Variants in DSC2 observed in about 807,000 individuals in gnomAD.
The protein encoded by DSC2 is desmocollin-2.
A neutral mutation model predicts 87.6 loss-of-function variants in DSC2; 51 were observed. That is an observed-to-expected ratio of 0.58 (90% CI 0.46 to 0.74). The LOEUF is 0.74. DSC2 is among the 30% of genes least tolerant of loss of function. DSC2 has a pLI of 0.00. For missense variants in DSC2, 1,066 were observed against 1,089.5 expected (o/e 0.98, Z 0.30); for synonymous variants, 383 against 393.2 (o/e 0.97, Z 0.31).
At position 31,063,639 on chromosome 18, in the gene DSC2, A is replaced by G. The variant is rs567066651; in HGVS notation, c.*4376T>C. 23 of 152,330 alleles carry G rather than the reference A, an allele frequency of 1.5e-4. No individual in the cohort carries two copies. Among genetic ancestry groups the G allele is most frequent in the African/African-American group, 5.1e-4 (21 of 41,572 alleles). The allele number at this position is 152,330 out of a possible 1,614,324, so 9.4% of individuals were successfully genotyped here. ...AAGGAGATTGGGGAAATTAGTACAG[A>G]AGGTCCTCAACTTAAGATGGCTCGA... On this transcript the variant is annotated 3_prime_UTR_variant, in exon 16 of 16. Transcript: ENST00000280904.
In DSC2 at chr18:31,080,078, A is replaced by C; in HGVS notation, c.1520+18T>G. On this transcript the variant is annotated intron_variant, in intron 10 of 15. Transcript: ENST00000280904. ...AAATAAGCTATATATTTTAAAACTA[A>C]AATAGAATGGTAAGTACCTTATGCC... 5 of 1,613,702 alleles carry C rather than the reference A, an allele frequency of 3.1e-6. No individual in the cohort carries two copies. The highest frequency in any genetic ancestry group is 4.2e-6 in the Non-Finnish European group (5 of 1,179,934).
At chr18:31,095,460 T>G (rs980382306) in intron 1 of DSC2, among the ~76,000 whole-genome samples, 3 of 152,124 alleles carry the variant, frequency 2.0e-5, no homozygotes, top group South Asian at 4.1e-4. Context: ...CTACTAGTTA[T>G]GTGGAAAATA....
chr18:31,100,796 C>G (rs1056492988), intron 1 of DSC2, among the ~76,000 whole-genome samples: 3 of 152,196 alleles, frequency 2.0e-5, no homozygotes, highest in Non-Finnish European at 4.4e-5. Flanking sequence ...ACGCCTTCTG[C>G]TTAAGACAAG....
At position 31,075,030 on chromosome 18, in the gene DSC2, G is replaced by A. The variant is rs1441916073; in HGVS notation, c.1664-123C>T. ...AATGTAGAAGTTACAATGACAAGCA[G>A]TCACAAGCTATGTCCTCAGGGAATG... is the stretch of plus-strand genomic sequence containing the variant. On this transcript the variant is annotated intron_variant, in intron 11 of 15. Coordinates refer to ENST00000280904, the MANE Select transcript of DSC2 (RefSeq NM_024422.6). The A allele has an allele frequency of 1.9e-5, 20 of 1,031,588 alleles. No individual in the cohort carries two copies. In the East Asian group the frequency reaches 4.7e-4, roughly 24 times the overall value. The allele number at this position is 1,031,588 out of a possible 1,614,324, so 63.9% of individuals were successfully genotyped here.
At chr18:31,100,173 G>A (rs1987891496) in intron 1 of DSC2, among the ~76,000 whole-genome samples, 2 of 152,200 alleles carry the variant, frequency 1.3e-5, no homozygotes, top group Non-Finnish European at 2.9e-5. Flanking sequence ...CAGAATGAGA[G>A]TGTAGGCAGG....
Position 31,066,106 on chromosome 18 carries a change from C to A in DSC2, c.*1909G>T, listed in dbSNP as rs569817490. On this transcript the variant is annotated 3_prime_UTR_variant, in exon 16 of 16. Transcript: ENST00000280904. Reference sequence around the variant, plus strand: ...CTAGGAAACAAGTTCTGTTATTATCCCCCATTTTAAAATGATGAAAATGGA... The same window carrying A: ...CTAGGAAACAAGTTCTGTTATTATCACCCATTTTAAAATGATGAAAATGGA... 6.6e-6 allele frequency: 1 copy of A among 152,138 alleles called. No individual in the cohort carries two copies. Among genetic ancestry groups the A allele is most frequent in the Non-Finnish European group, 1.5e-5 (1 of 68,004 alleles). The allele number at this position is 152,138 out of a possible 1,614,324, so 9.4% of individuals were successfully genotyped here.
chr18:31,071,485 G>T, intron 13 of DSC2, 120 bp downstream of exon 13: 1 of 858,666 alleles, frequency 1.2e-6, no homozygotes, highest in Non-Finnish European at 2.0e-6. Context: ...GGCAGAGTCT[G>T]CAGTGAGCGG....
chr18:31,101,754 C>T, intron 1 of DSC2, 149 bp downstream of exon 1: 2 of 722,056 alleles, frequency 2.8e-6, no homozygotes, highest in Non-Finnish European at 4.3e-6. Context: ...TGCCCTCCCC[C>T]ACCCCCGCCA....
At chr18:31,101,048 T>C (rs1037039122) in intron 1 of DSC2, among the ~76,000 whole-genome samples, 5 of 148,308 alleles carry the variant, frequency 3.4e-5, no homozygotes, top group Admixed American at 1.3e-4. Context: ...TAGTGCTCTT[T>C]AAAGAAAGAA....
At chr18:31,085,634 T>C (rs1271000272) in intron 7 of DSC2, among the ~76,000 whole-genome samples, 4 of 151,958 alleles carry the variant, frequency 2.6e-5, no homozygotes, top group Non-Finnish European at 5.9e-5. Flanking sequence ...ATGTCAAGCA[T>C]TGGTCTTGAG....
At chr18:31,075,551 A>G (rs1275578079) in intron 11 of DSC2, among the ~76,000 whole-genome samples, 1 of 152,210 alleles carries the variant, frequency 6.6e-6, no homozygotes, top group Non-Finnish European at 1.5e-5. Context: ...TGTATATTCA[A>G]TAGAAACTTA....
In DSC2 at chr18:31,070,723, T is replaced by A; in HGVS notation, c.2250+3A>T. The A allele has an allele frequency of 2.5e-6, 4 of 1,613,748 alleles. No individual in the cohort carries two copies. Among genetic ancestry groups the A allele is most frequent in the Non-Finnish European group, 3.4e-6 (4 of 1,179,736 alleles). On this transcript the variant is annotated splice_donor_region_variant and intron_variant, in intron 14 of 15. Coordinates refer to ENST00000280904, the MANE Select transcript of DSC2 (RefSeq NM_024422.6). ...TATTTATTTAAAAAGCCAGACTACT[T>A]ACCACTTTGTCATCTCCAGGAGCTT...
At chr18:31,101,846 C>T (rs1046037753) in intron 1 of DSC2, 57 bp downstream of exon 1, 1 of 1,503,146 alleles carries the variant, frequency 6.7e-7, no homozygotes, top group Non-Finnish European at 8.9e-7. Flanking sequence ...CCTAGTTTTC[C>T]TCTGCACCCT....
intron 15 of DSC2, among the ~76,000 whole-genome samples, chr18:31,068,517 T>C (rs1348523049): frequency 6.6e-6 from 1 of 152,208 alleles, no homozygotes; most frequent in African/African-American, 2.4e-5. Context: ...TCCATTAAAC[T>C]GAAGACAAAT....
Position 31,093,654 on chromosome 18 carries a change from A to G in DSC2, c.70-11T>C. On this transcript the variant is annotated splice_polypyrimidine_tract_variant and intron_variant, in intron 1 of 15. Transcript: ENST00000280904. ...GGCAAATATTAAGATCTAAAAAATG[A>G]AAAAAAATCAAATAAATATTATGCA... 1 of 1,539,614 alleles carries G rather than the reference A, an allele frequency of 6.5e-7. No homozygotes were observed. Among genetic ancestry groups the G allele is most frequent in the Non-Finnish European group, 8.8e-7 (1 of 1,132,098 alleles).
rs368353349 is a variant in DSC2 at position 31,071,806 on chromosome 18, G to C, written c.1924C>G (p.Pro642Ala). The change falls in exon 13 of 16, where the codon CCA becomes GCA. Residue 642 changes from proline (P) to alanine (A), a missense_variant. Pro to Ala is a conservative substitution (Grantham distance 27, BLOSUM62 -1). Transcript: ENST00000280904. ...AARLSYQNDP[P>A]FGSYVVPITV... ...ATAGGTACTACATATGAGCCAAATG[G>C]AGGATCATTCTGATAGGAAAGACGT... 5 of 1,613,832 alleles carry C rather than the reference G, an allele frequency of 3.1e-6. No homozygotes were observed. Among genetic ancestry groups the C allele is most frequent in the Non-Finnish European group, 4.2e-6 (5 of 1,179,906 alleles).
rs1229263461 is a variant in DSC2 at position 31,089,539 on chromosome 18, C to T, written c.530G>A (p.Gly177Glu). Residue 177 changes from glycine to glutamate, a missense_variant, in exon 5 of 16, where the codon GGA becomes GAA. Coordinates refer to ENST00000280904, the MANE Select transcript of DSC2 (RefSeq NM_024422.6). ...YTIYYSIRGP[G>E]VDQEPRNLFY... ...TAAATTCCGAGGTTCTTGGTCAACT[C>T]CAGGACCTCTTATGGAATAGTATAT... The T allele has an allele frequency of 1.2e-6, 2 of 1,613,950 alleles. No individual in the cohort carries two copies. Among genetic ancestry groups the T allele is most frequent in the Non-Finnish European group, 1.7e-6 (2 of 1,179,962 alleles).
Position 31,089,424 on chromosome 18 carries a change from C to G in DSC2, c.630+15G>C, listed in dbSNP as rs201596999. 3 of 1,613,432 alleles carry G rather than the reference C, an allele frequency of 1.9e-6. No individual in the cohort carries two copies. In the Admixed American group the frequency reaches 5.0e-5, roughly 27 times the overall value. ...ATCATCATTGCTAATACAGTACACA[C>G]ATTTTAGACTTTACCTCAAAAGATT... is the stretch of plus-strand genomic sequence containing the variant. On this transcript the variant is annotated intron_variant, in intron 5 of 15. Transcript: ENST00000280904.
chr18:31,101,745 G>T, intron 1 of DSC2, 158 bp downstream of exon 1: 3 of 698,252 alleles, frequency 4.3e-6, no homozygotes, highest in African/African-American at 1.9e-5. Context: ...CTTCCTATCT[G>T]CCCTCCCCCA....
Sources: gnomAD v4.1 joint callset for allele counts (sites outside exome capture counted in the v4.1 genomes callset) on GRCh38, gnomAD v4.1.1 for gene constraint, MANE v1.5 for transcripts, NCBI Gene and HGNC (gene_info 2026-07-23, HGNC 2026-07-21) for gene names.